The following VPS33B variants were observed in gnomAD, a reference collection of about 807,000 sequenced individuals.
VPS33B encodes the protein vacuolar protein sorting-associated protein 33B.
In VPS33B, 80 loss-of-function variants were observed where a neutral mutation model predicts 95.3. That is an observed-to-expected ratio of 0.84 (90% CI 0.70 to 1.01). The LOEUF is 1.01. Ranked by LOEUF, VPS33B falls within the 50% of genes least tolerant of loss-of-function variation. The pLI, the probability that VPS33B is intolerant of heterozygous loss-of-function variation, is 0.00. For synonymous variants in VPS33B, 280 were observed against 280.4 expected, an observed-to-expected ratio of 1.00 and a Z score of 0.01; for missense variants, 715 against 773.4, an observed-to-expected ratio of 0.92 and a Z score of 0.90.
Position 91,013,727 on chromosome 15 carries a change from T to C in VPS33B, c.357+77A>G. 1 of 1,465,116 alleles carries C rather than the reference T, an allele frequency of 6.8e-7. No homozygotes were observed. The highest frequency in any genetic ancestry group is 9.6e-7 in the Non-Finnish European group (1 of 1,045,698). The allele number at this position is 1,465,116 out of a possible 1,614,324, so 90.8% of individuals were successfully genotyped here. Reference sequence around the variant, plus strand: ...AAAACGAACGGAGACAGGGAGGTAGTGCTGTTGGCCCCTTACCCCTGCCCG... The same window carrying C: ...AAAACGAACGGAGACAGGGAGGTAGCGCTGTTGGCCCCTTACCCCTGCCCG... On this transcript the variant is annotated intron_variant, in intron 5 of 22. Transcript: ENST00000333371. This position sits in a 1 kb window ranked among gnomAD's most constrained non-coding sequence, Gnocchi z 4.5.
In VPS33B at chr15:91,002,056, C is replaced by G. The variant is rs1383701759; in HGVS notation, c.1399G>C (p.Ala467Pro). 2.5e-6 allele frequency: 4 copies of G among 1,613,860 alleles called. No individual in the cohort carries two copies. The highest frequency in any genetic ancestry group is 3.4e-6 in the Non-Finnish European group (4 of 1,180,044). The stretch of plus-strand genomic sequence containing the variant: ...ACTTGTGCTCCCTGCTTACCTGCAG[C>G]CTTGTCGGTCACCAGCTTGCTCACT... ...SKVSKLVTDK[A>P]AGKITDAFSS... The change falls in exon 18 of 23, where the codon GCT (alanine) becomes CCT (proline). Residue 467 changes from alanine (A) to proline (P), a missense_variant. Coordinates refer to ENST00000333371, the MANE Select transcript of VPS33B (RefSeq NM_018668.5). The surrounding 1 kb of genome is among the most constrained non-coding windows in gnomAD (Gnocchi z 4.7).
In VPS33B at chr15:91,006,033, G is replaced by A. The variant is rs552302075; in HGVS notation, c.879C>T (p.His293=). 2 of 1,614,220 alleles carry A rather than the reference G, an allele frequency of 1.2e-6. No individual in the cohort carries two copies. Among genetic ancestry groups the A allele is most frequent in the Admixed American group, 3.3e-5 (2 of 60,024 alleles). The change falls in exon 12 of 23, where the codon CAC becomes CAT. Residue 293 remains histidine (H), a synonymous_variant. Coordinates refer to ENST00000333371, the MANE Select transcript of VPS33B (RefSeq NM_018668.5). The surrounding 1 kb of genome is among the most constrained non-coding windows in gnomAD (Gnocchi z 5.4). The stretch of plus-strand genomic sequence containing the variant: ...TCAAGAAGCCAAAGACATTGGAGAA[G>A]TGCTCGTTCCGAATCTCATTAAACA... ...DKVFNEIRNE[H]FSNVFGFLSQ...
Position 91,007,849 on chromosome 15 carries a change from C to A in VPS33B, c.498+21G>T. On this transcript the variant is annotated intron_variant, in intron 7 of 22. Transcript: ENST00000333371. This position sits in a 1 kb window ranked among gnomAD's most constrained non-coding sequence, Gnocchi z 5.3. The stretch of plus-strand genomic sequence containing the variant: ...TTGTCCCCATCCCCTGATGCCAAGA[C>A]ACAAGGGCCTCTGCATTTACCAGAA... The A allele has an allele frequency of 3.1e-6, 5 of 1,610,938 alleles. No individual in the cohort carries two copies. The highest frequency in any genetic ancestry group is 4.2e-6 in the Non-Finnish European group (5 of 1,177,180).
In VPS33B at chr15:91,022,163, C is replaced by T; in HGVS notation, c.87G>A (p.Leu29=). The T allele has an allele frequency of 6.4e-7, 1 of 1,563,938 alleles. No homozygotes were observed. Among genetic ancestry groups the T allele is most frequent in the Non-Finnish European group, 8.7e-7 (1 of 1,153,130 alleles). The change falls in exon 1 of 23, where the codon CTG becomes CTA. Residue 29 remains leucine, a synonymous_variant. Coordinates refer to ENST00000333371, the MANE Select transcript of VPS33B (RefSeq NM_018668.5). The stretch of plus-strand genomic sequence containing the variant: ...TCAGGCAAGCACTGACCTGCTCCAG[C>T]AGATAGATGAGCTGGTCTCGAGCCA... ...KRLARDQLIY[L]LEQLPGKKDL... is the part of the protein sequence containing the mutation.
chr15:91,005,930 C>T lies in VPS33B; in HGVS notation c.939+43G>A, dbSNP rs763790174. The T allele has an allele frequency of 1.8e-5, 29 of 1,611,784 alleles. No individual in the cohort carries two copies. Among genetic ancestry groups the T allele is most frequent in the Admixed American group, 3.4e-5 (2 of 59,680 alleles). On this transcript the variant is annotated intron_variant, in intron 12 of 22. Transcript: ENST00000333371. This position sits in a 1 kb window ranked among gnomAD's most constrained non-coding sequence, Gnocchi z 6.4. ...GCCCAAGGGCAGCAGCCTTGGGAAG[C>T]CACTGAGGCAACAAAACAGAGGAGC...
At position 91,005,277 on chromosome 15, in the gene VPS33B, GTCA is replaced by G; in HGVS notation, c.1105+100_1105+102del. The G allele has an allele frequency of 1.2e-6, 2 of 1,612,754 alleles. No homozygotes were observed. Among genetic ancestry groups the G allele is most frequent in the Non-Finnish European group, 1.7e-6 (2 of 1,179,688 alleles). On this transcript the variant is annotated intron_variant, in intron 14 of 22. Coordinates refer to ENST00000333371, the MANE Select transcript of VPS33B (RefSeq NM_018668.5). The surrounding 1 kb of genome is among the most constrained non-coding windows in gnomAD (Gnocchi z 6.4). ...GGAACCAGCATTCCACATAGCCAGT[GTCA>G]GCTGGAAAGAGCCAGAGAACATCTT...
At chr15:91,014,523 G>A in intron 3 of VPS33B, 90 bp from the exon 4 acceptor site, 1 of 1,459,914 alleles carries the variant, frequency 6.8e-7, no homozygotes, top group Non-Finnish European at 9.5e-7. Context: ...CAACTCTTTT[G>A]CCATTTGCCC....
In VPS33B at chr15:91,000,024, T is replaced by C; in HGVS notation, c.1582-49A>G. 6.2e-7 allele frequency: 1 copy of C among 1,610,298 alleles called. No individual in the cohort carries two copies. Among genetic ancestry groups the C allele is most frequent in the Non-Finnish European group, 8.5e-7 (1 of 1,177,728 alleles). ...TTAAGGCTACAGACAGTATCAGGCTTAGGAAAGGAAGGGCACAGCAGCCAG... is the reference window on the plus strand; with the variant it reads ...TTAAGGCTACAGACAGTATCAGGCTCAGGAAAGGAAGGGCACAGCAGCCAG... On this transcript the variant is annotated intron_variant, in intron 20 of 22. Coordinates refer to ENST00000333371, the MANE Select transcript of VPS33B (RefSeq NM_018668.5). The surrounding 1 kb of genome is among the most constrained non-coding windows in gnomAD (Gnocchi z 4.9).
At chr15:91,003,714 AG>A in intron 16 of VPS33B, among the ~76,000 whole-genome samples, 1 of 152,308 alleles carries the variant, frequency 6.6e-6, no homozygotes, top group South Asian at 2.1e-4. Context: ...CTAGGATTAC[AG>A]GCATGAGCCA....
At position 91,005,918 on chromosome 15, in the gene VPS33B, A is replaced by AG. The variant is rs2040589094; in HGVS notation, c.939+54dup. Reference sequence around the variant, plus strand: ...ATTAGAAGGGGAGCCCAAGGGCAGCAGCCTTGGGAAGCCACTGAGGCAACA... The same window carrying AG: ...ATTAGAAGGGGAGCCCAAGGGCAGCAGGCCTTGGGAAGCCACTGAGGCAACA... On this transcript the variant is annotated intron_variant, in intron 12 of 22. Coordinates refer to ENST00000333371, the MANE Select transcript of VPS33B (RefSeq NM_018668.5). This position sits in a 1 kb window ranked among gnomAD's most constrained non-coding sequence, Gnocchi z 6.4. 6.2e-7 allele frequency: 1 copy of AG among 1,603,818 alleles called. No homozygotes were observed. The highest frequency in any genetic ancestry group is 1.7e-5 in the Admixed American group (1 of 59,396).
At chr15:91,001,991 C>T (rs1267459939) in intron 18 of VPS33B, 59 bp downstream of exon 18, 11 of 1,611,498 alleles carry the variant, frequency 6.8e-6, no homozygotes, top group African/African-American at 4.0e-5. Context: ...CAGCATGCTG[C>T]GTGTTGAGAG....
rs140237411 is a variant in VPS33B at position 91,005,709 on chromosome 15, G to A, written c.1015C>T (p.Arg339Cys). The A allele has an allele frequency of 2.0e-5, 32 of 1,613,954 alleles. No individual in the cohort carries two copies. The highest frequency in any genetic ancestry group is 2.6e-5 in the Non-Finnish European group (31 of 1,180,032). The change falls in exon 13 of 23, where the codon CGC (arginine) becomes TGC (cysteine). Residue 339 changes from arginine (R) to cysteine (C), a missense_variant. Arg to Cys is a radical substitution (Grantham distance 180, BLOSUM62 -3). Transcript: ENST00000333371. The surrounding 1 kb of genome is among the most constrained non-coding windows in gnomAD (Gnocchi z 6.4). ...QELKGLKQEH[R>C]LLSLHIGACE... Reference sequence around the variant, plus strand: ...TGAAACCTACGGAGACTCAGCAGGCGGTGCTCCTGTTTCAGGCCCTTGAGC... The same window carrying A: ...TGAAACCTACGGAGACTCAGCAGGCAGTGCTCCTGTTTCAGGCCCTTGAGC...
chr15:91,016,375 CTTTT>C (rs796637381), intron 3 of VPS33B, among the ~76,000 whole-genome samples: 7 of 96,012 alleles, frequency 7.3e-5, no homozygotes, highest in African/African-American at 1.7e-4. Context: ...GCAGATTCTT[CTTTT>C]TTTTTTTTTT....
Position 90,999,190 on chromosome 15 carries a change from T to C in VPS33B, c.1775-136A>G, listed in dbSNP as rs2040360751. 1.2e-6 allele frequency: 1 copy of C among 808,004 alleles called. No homozygotes were observed. The highest frequency in any genetic ancestry group is 1.7e-5 in the African/African-American group (1 of 57,724). 50.1% of individuals were successfully genotyped at this position (808,004 alleles called of 1,614,324 possible). Reference sequence around the variant, plus strand: ...ATAGACAGAGACGTGAGTGCCATGCTCTTGGGCACCACTGCTTTCTATGAC... The same window carrying C: ...ATAGACAGAGACGTGAGTGCCATGCCCTTGGGCACCACTGCTTTCTATGAC... On this transcript the variant is annotated intron_variant, in intron 22 of 22. Coordinates refer to ENST00000333371, the MANE Select transcript of VPS33B (RefSeq NM_018668.5). This position sits in a 1 kb window ranked among gnomAD's most constrained non-coding sequence, Gnocchi z 5.1.
Position 91,002,296 on chromosome 15 carries a change from C to G in VPS33B, c.1273-114G>C. On this transcript the variant is annotated intron_variant, in intron 17 of 22. Coordinates refer to ENST00000333371, the MANE Select transcript of VPS33B (RefSeq NM_018668.5). The surrounding 1 kb of genome is among the most constrained non-coding windows in gnomAD (Gnocchi z 4.7). Reference sequence around the variant, plus strand: ...AAGCCTCTGCTGCAGTGTGAAGGAGCTCACACTTTGTTGAGATAAATTTTC... The same window carrying G: ...AAGCCTCTGCTGCAGTGTGAAGGAGGTCACACTTTGTTGAGATAAATTTTC... The G allele has an allele frequency of 1.4e-6, 2 of 1,433,336 alleles. No homozygotes were observed. The highest frequency in any genetic ancestry group is 1.9e-6 in the Non-Finnish European group (2 of 1,040,736). 88.8% of individuals were successfully genotyped at this position (1,433,336 alleles called of 1,614,324 possible). A position where few individuals can be genotyped will look rare whatever the true frequency, so the allele number is the denominator to read the frequency against.
intron 16 of VPS33B, 61 bp from the exon 17 acceptor site, chr15:91,003,192 T>C (rs2040494145): frequency 1.9e-6 from 3 of 1,548,848 alleles, no homozygotes; most frequent in East Asian, 2.2e-5. Context: ...CACCCTAAAA[T>C]GTACAGATCA....
At position 91,013,937 on chromosome 15, in the gene VPS33B, T is replaced by C; in HGVS notation, c.290-66A>G. Reference sequence around the variant, plus strand: ...TCTGTTATGCTAGAAACAGGGAAGCTGCCGGGCACAGTGGTTCACGCCTGT... The same window carrying C: ...TCTGTTATGCTAGAAACAGGGAAGCCGCCGGGCACAGTGGTTCACGCCTGT... On this transcript the variant is annotated intron_variant, in intron 4 of 22. Transcript: ENST00000333371. The surrounding 1 kb of genome is among the most constrained non-coding windows in gnomAD (Gnocchi z 4.5). The C allele has an allele frequency of 6.3e-7, 1 of 1,591,108 alleles. No individual in the cohort carries two copies. Among genetic ancestry groups the C allele is most frequent in the Non-Finnish European group, 8.6e-7 (1 of 1,159,518 alleles).
Position 91,009,971 on chromosome 15 carries a change from C to G in VPS33B, c.358-125G>C. 1 of 1,039,192 alleles carries G rather than the reference C, an allele frequency of 9.6e-7. No homozygotes were observed. Among genetic ancestry groups the G allele is most frequent in the Non-Finnish European group, 1.5e-6 (1 of 673,190 alleles). The allele number at this position is 1,039,192 out of a possible 1,614,324, so 64.4% of individuals were successfully genotyped here. A position where few individuals can be genotyped will look rare whatever the true frequency, so the allele number is the denominator to read the frequency against. On this transcript the variant is annotated intron_variant, in intron 5 of 22. Transcript: ENST00000333371. This position sits in a 1 kb window ranked among gnomAD's most constrained non-coding sequence, Gnocchi z 4.1. ...GAACCCAGTGAAAGACAAGAGAACC[C>G]AGACTCTTAAGATCTAGAAAGAACC...
rs2040596663 is a variant in VPS33B at position 91,006,167 on chromosome 15, A to G, written c.853-108T>C. 7.2e-7 allele frequency: 1 copy of G among 1,393,150 alleles called. No homozygotes were observed. Among genetic ancestry groups the G allele is most frequent in the East Asian group, 2.3e-5 (1 of 43,254 alleles). The allele number at this position is 1,393,150 out of a possible 1,614,324, so 86.3% of individuals were successfully genotyped here. On this transcript the variant is annotated intron_variant, in intron 11 of 22. Transcript: ENST00000333371. The surrounding 1 kb of genome is among the most constrained non-coding windows in gnomAD (Gnocchi z 5.4). ...AGGTGTTCTGGCAGAAATACAAAGA[A>G]AGCTGAGCTGGGATCTGTAAGTCCA... is the stretch of plus-strand genomic sequence containing the variant.
Sources: allele counts gnomAD v4.1 joint callset (sites outside exome capture counted in the v4.1 genomes callset), GRCh38; gene constraint gnomAD v4.1.1; non-coding constraint Gnocchi (gnomAD v3.1); transcripts MANE v1.5; gene names NCBI Gene and HGNC (gene_info 2026-07-23, HGNC 2026-07-21).